Variants in HMX1 observed in about 807,000 individuals in gnomAD.
HMX1 encodes the protein homeobox protein HMX1.
In HMX1, 8 loss-of-function variants were observed where a neutral mutation model predicts 8.9. That is an observed-to-expected ratio of 0.90 (90% CI 0.53 to 1.63). The LOEUF (loss-of-function observed/expected upper bound fraction) is 1.63, where lower values mean the gene tolerates loss of function less well. Among genes scored for constraint, HMX1 ranks in the 40% most tolerant of loss-of-function variants. The pLI is 0.00. For missense variants in HMX1, 621 were observed against 558.5 expected (o/e 1.11, Z -1.13); for synonymous variants, 311 against 283.4 (o/e 1.10, Z -0.98).
intron 1 of HMX1, among the ~76,000 whole-genome samples, chr4:8,852,576 C>T (rs1045978944): frequency 2.0e-5 from 3 of 152,190 alleles, no homozygotes; most frequent in Non-Finnish European, 4.4e-5. Context: ...GAACTGGACG[C>T]ATCCCACCCC....
In HMX1 at chr4:8,867,875, T is replaced by C; in HGVS notation, c.865A>G (p.Ser289Gly). The change falls in exon 2 of 2, where the codon AGC becomes GGC. Residue 289 changes from serine to glycine, a missense_variant. Physicochemically the swap from Ser to Gly is moderately conservative, Grantham distance 56. Transcript: ENST00000400677. ...LVRVPVLYHESPPAAAAAGPP... is the reference protein window; with the variant it reads ...LVRVPVLYHEGPPAAAAAGPP... ...CCAGCGGCGGCTGCGGCCGGGGGGCTTTCGTGGTAGAGCACCGGCACGCGG... is the reference window on the plus strand; with the variant it reads ...CCAGCGGCGGCTGCGGCCGGGGGGCCTTCGTGGTAGAGCACCGGCACGCGG... The C allele has an allele frequency of 7.8e-7, 1 of 1,278,470 alleles. No individual in the cohort carries two copies. The highest frequency in any genetic ancestry group is 4.0e-5 in the Admixed American group (1 of 25,074). 79.2% of individuals were successfully genotyped at this position (1,278,470 alleles called of 1,614,324 possible).
intron 1 of HMX1, among the ~76,000 whole-genome samples, chr4:8,851,651 G>A (rs971836322): frequency 1.3e-5 from 2 of 152,214 alleles, no homozygotes; most frequent in Admixed American, 6.5e-5. Flanking sequence ...GAGGAGGCCT[G>A]GGACCCACGG....
Position 8,867,230 on chromosome 4 carries a change from C to A in HMX1, c.*463G>T, listed in dbSNP as rs1722027122. ...CCGCGAGAGGGGTAGCACAGCCCTC[C>A]GGGCCGGCCTGCTGTCTGGGTCCCA... On this transcript the variant is annotated 3_prime_UTR_variant, in exon 2 of 2. Coordinates refer to ENST00000400677, the MANE Select transcript of HMX1 (RefSeq NM_018942.3). The A allele has an allele frequency of 1.0e-6, 1 of 985,650 alleles. No homozygotes were observed. The highest frequency in any genetic ancestry group is 6.1e-5 in the Admixed American group (1 of 16,278). The allele number at this position is 985,650 out of a possible 1,614,324, so 61.1% of individuals were successfully genotyped here.
intron 1 of HMX1, among the ~76,000 whole-genome samples, chr4:8,861,405 G>A (rs1560176797): frequency 6.6e-6 from 1 of 152,176 alleles, no homozygotes; most frequent in Non-Finnish European, 1.5e-5. Flanking sequence ...AAATAAACAC[G>A]CCCTGTCTCC....
At chr4:8,864,565 C>A (rs1487276971), downstream of HMX1, among the ~76,000 whole-genome samples, 1 of 152,224 alleles carries the variant, frequency 6.6e-6, no homozygotes, top group African/African-American at 2.4e-5. Context: ...TCAGAGGGGC[C>A]AGGCGTACCC....
chr4:8,850,067 T>G (rs1459868284), intron 1 of HMX1, among the ~76,000 whole-genome samples: 2 of 152,174 alleles, frequency 1.3e-5, no homozygotes, highest in Non-Finnish European at 2.9e-5. Flanking sequence ...GTGGCAAGCC[T>G]GGCACCTGAT....
In HMX1 at chr4:8,867,540, C is replaced by A; in HGVS notation, c.*153G>T. The A allele has an allele frequency of 1.7e-6, 2 of 1,187,196 alleles. No homozygotes were observed. The highest frequency in any genetic ancestry group is 1.0e-6 in the Non-Finnish European group (1 of 959,588). The allele number at this position is 1,187,196 out of a possible 1,614,324, so 73.5% of individuals were successfully genotyped here. ...GAGGCGCTCCCCACAGAAGCTGAGGCCCGCCCGGCCGCGGCCTGCGCTCCC... is the reference window on the plus strand; with the variant it reads ...GAGGCGCTCCCCACAGAAGCTGAGGACCGCCCGGCCGCGGCCTGCGCTCCC... On this transcript the variant is annotated 3_prime_UTR_variant, in exon 2 of 2. Transcript: ENST00000400677.
In HMX1 at chr4:8,848,480, C is replaced by G. The variant is rs1482504070; in HGVS notation, c.395-2156G>C. Reference sequence around the variant, plus strand: ...GTTTTTTACTCATCTAGGCAGAGTACTTGGAATGCCCTAGTTCAATCCCCT... The same window carrying G: ...GTTTTTTACTCATCTAGGCAGAGTAGTTGGAATGCCCTAGTTCAATCCCCT... On this transcript the variant is annotated intron_variant, in intron 1 of 1. Coordinates refer to the HMX1 transcript ENST00000506970. The surrounding 1 kb of genome is among the most constrained non-coding windows in gnomAD (Gnocchi z 4.1). Among the ~76,000 whole-genome samples the G allele has an allele frequency of 1.3e-5, 2 of 152,160 alleles. No individual in the cohort carries two copies. The highest frequency in any genetic ancestry group is 1.3e-4 in the Admixed American group (2 of 15,282).
In HMX1 at chr4:8,847,607, G is replaced by A. The variant is rs1293087741; in HGVS notation, c.395-1283C>T. ...CACCCCCTTCTGTCCCCACAGAGATGCTTCTGCTCAGGGCCAAGGGCTCCC... is the reference window on the plus strand; with the variant it reads ...CACCCCCTTCTGTCCCCACAGAGATACTTCTGCTCAGGGCCAAGGGCTCCC... On this transcript the variant is annotated intron_variant, in intron 1 of 1. Transcript: ENST00000506970. This position sits in a 1 kb window ranked among gnomAD's most constrained non-coding sequence, Gnocchi z 6.0. 3.3e-5 allele frequency among the ~76,000 whole-genome samples: 5 copies of A among 152,226 alleles called. No homozygotes were observed. The highest frequency in any genetic ancestry group is 3.3e-4 in the Admixed American group (5 of 15,286).
At chr4:8,866,642 A>G (rs1722006168), downstream of HMX1, among the ~76,000 whole-genome samples, 1 of 152,200 alleles carries the variant, frequency 6.6e-6, no homozygotes, top group African/African-American at 2.4e-5. Flanking sequence ...CTTGAGTGCC[A>G]CGGCTTTGTT....
At chr4:8,860,968 A>AGGGCGG (rs1287459994) in intron 1 of HMX1, 13 of 15,974 alleles carry the variant, frequency 8.1e-4, no homozygotes, top group Admixed American at 1.1e-3. Context: ...GGCGGGGGCG[A>AGGGCGG]GGGCGGGGGA....
Position 8,871,271 on chromosome 4 carries a change from C to T in HMX1, c.344G>A (p.Arg115His). The change falls in exon 1 of 2, where the codon CGC (arginine) becomes CAC (histidine). Residue 115 changes from arginine to histidine, a missense_variant. Transcript: ENST00000400677. This position sits in a 1 kb window ranked among gnomAD's most constrained non-coding sequence, Gnocchi z 4.8. ...GCCACCGTGCGCCCGTGGGTACCAGCGCGCTGCGCCTCCGCAGCCCAGAGC... is the reference window on the plus strand; with the variant it reads ...GCCACCGTGCGCCCGTGGGTACCAGTGCGCTGCGCCTCCGCAGCCCAGAGC... ...PFALGCGGAARWYPRAHGGYG... is the reference protein window; with the variant it reads ...PFALGCGGAAHWYPRAHGGYG... 6.7e-7 allele frequency: 1 copy of T among 1,482,476 alleles called. No homozygotes were observed. Among genetic ancestry groups the T allele is most frequent in the Non-Finnish European group, 8.9e-7 (1 of 1,123,084 alleles). 91.8% of individuals were successfully genotyped at this position (1,482,476 alleles called of 1,614,324 possible).
At chr4:8,860,126 G>A (rs1266975233) in intron 1 of HMX1, among the ~76,000 whole-genome samples, 1 of 152,254 alleles carries the variant, frequency 6.6e-6, no homozygotes, top group Non-Finnish European at 1.5e-5. Flanking sequence ...GCAGGGCCCT[G>A]GTGCCTGGAC....
intron 1 of HMX1, among the ~76,000 whole-genome samples, chr4:8,860,237 G>A (rs1458156839): frequency 3.3e-5 from 5 of 152,320 alleles, no homozygotes; most frequent in African/African-American, 9.6e-5. Context: ...CCTATACCCG[G>A]GGCCAAAACC....
Position 8,854,763 on chromosome 4 carries a change from C to T in HMX1, c.395-8439G>A, listed in dbSNP as rs551995053. 5.9e-5 allele frequency among the ~76,000 whole-genome samples: 9 copies of T among 152,288 alleles called. No individual in the cohort carries two copies. In the South Asian group the frequency reaches 1.2e-3, roughly 21 times the overall value. On this transcript the variant is annotated intron_variant, in intron 1 of 1. Transcript: ENST00000506970. ...AGAACCCTAATTCCTAAGAACAATA[C>T]GAAGAAAAACATTCAAAACATGAAG...
At chr4:8,851,545 CA>C (rs1721448985) in intron 1 of HMX1, among the ~76,000 whole-genome samples, 1 of 152,200 alleles carries the variant, frequency 6.6e-6, no homozygotes, top group African/African-American at 2.4e-5. Flanking sequence ...GTAGAACAAG[CA>C]CAGACACATC....
At chr4:8,856,495 G>T (rs780296963) in intron 1 of HMX1, among the ~76,000 whole-genome samples, 1 of 152,064 alleles carries the variant, frequency 6.6e-6, no homozygotes. Context: ...CAGGGGAAGG[G>T]GAGGAAGAAG....
chr4:8,866,179 T>C (rs1272445267), downstream of HMX1, among the ~76,000 whole-genome samples: 2 of 152,094 alleles, frequency 1.3e-5, no homozygotes, highest in Admixed American at 1.3e-4. Context: ...AGCTGGATGG[T>C]AGAGACACAC....
intron 1 of HMX1, among the ~76,000 whole-genome samples, chr4:8,851,758 A>AC (rs966147288): frequency 6.6e-6 from 1 of 152,172 alleles, no homozygotes; most frequent in African/African-American, 2.4e-5. Context: ...CTGAAGTCTA[A>AC]CCCCCAAGTC....
Sources: allele counts gnomAD v4.1 joint callset (sites outside exome capture counted in the v4.1 genomes callset), GRCh38; gene constraint gnomAD v4.1.1; non-coding constraint Gnocchi (gnomAD v3.1); transcripts MANE v1.5; gene names NCBI Gene and HGNC (gene_info 2026-07-23, HGNC 2026-07-21).